PHF14: variants seen among roughly 807,000 people sequenced by gnomAD.
PHF14 encodes the protein PHD finger protein 14.
A neutral mutation model predicts 117.9 loss-of-function variants in PHF14; 55 were observed. The observed-to-expected ratio is 0.47, with a 90% CI of 0.38 to 0.58. The LOEUF (loss-of-function observed/expected upper bound fraction) is 0.58. PHF14 is among the 20% of genes least tolerant of loss of function. The pLI, the probability that PHF14 is intolerant of heterozygous loss-of-function variation, is 0.00. For missense variants in PHF14, 978 were observed against 1,122.2 expected (o/e 0.87, Z 1.84); for synonymous variants, 409 against 368.6 (o/e 1.11, Z -1.26).
intron 17 of PHF14, among the ~76,000 whole-genome samples, chr7:11,159,154 T>C (rs1181961175): frequency 1.3e-5 from 2 of 152,108 alleles, no homozygotes; most frequent in African/African-American, 4.8e-5. Context: ...TAATATTATT[T>C]TCCTTAAGAA....
At chr7:11,006,572 C>T (rs1451473928) in intron 4 of PHF14, 2 of 597,858 alleles carry the variant, frequency 3.3e-6, no homozygotes, top group Non-Finnish European at 6.4e-6. Context: ...CTTTAACTTC[C>T]TCAGTGAACA....
At chr7:11,153,133 A>G (rs1366146557) in intron 17 of PHF14, among the ~76,000 whole-genome samples, 2 of 152,206 alleles carry the variant, frequency 1.3e-5, no homozygotes, top group Non-Finnish European at 2.9e-5. Context: ...AAGAATAGGT[A>G]TACAATTATA....
At chr7:11,096,973 CTTTTTTTTTTTT>C (rs899756252) in intron 16 of PHF14, among the ~76,000 whole-genome samples, 1 of 108,590 alleles carries the variant, frequency 9.2e-6, no homozygotes, top group Non-Finnish European at 1.8e-5. Flanking sequence ...TAGACTAGAA[CTTTTTTTTTTTT>C]TTTTTTTTTT....
At chr7:10,990,923 A>T in intron 4 of PHF14, 76 bp downstream of exon 4, 1 of 981,132 alleles carries the variant, frequency 1.0e-6, no homozygotes, top group African/African-American at 1.7e-5. Flanking sequence ...AGGTGGTTCT[A>T]CAATATTTCA....
At chr7:11,132,816 A>T (rs569659355) in intron 17 of PHF14, among the ~76,000 whole-genome samples, 95 of 151,968 alleles carry the variant, frequency 6.3e-4, no homozygotes, top group Non-Finnish European at 9.7e-4. Context: ...ATGAGATGGT[A>T]TCTCATAGTG....
chr7:11,040,524 A>T (rs1235493032), intron 11 of PHF14, 148 bp from the exon 12 acceptor site: 6 of 404,974 alleles, frequency 1.5e-5, no homozygotes, highest in Non-Finnish European at 2.7e-5. Flanking sequence ...AGCTCATTTT[A>T]ATCCTTTTTG....
intron 7 of PHF14, among the ~76,000 whole-genome samples, chr7:11,031,775 A>T (rs1283673884): frequency 1.3e-5 from 2 of 152,196 alleles, no homozygotes; most frequent in South Asian, 4.2e-4. Context: ...ATAAATAAGT[A>T]AAAAAATACC....
chr7:11,152,732 G>A (rs1443397257), intron 17 of PHF14, among the ~76,000 whole-genome samples: 1 of 152,172 alleles, frequency 6.6e-6, no homozygotes, highest in Non-Finnish European at 1.5e-5. Flanking sequence ...CCAAGTGGAT[G>A]TTCATTTTAT....
chr7:11,013,876 A>T lies in PHF14; in HGVS notation c.1175A>T (p.Asp392Val). 2 of 1,604,726 alleles carry T rather than the reference A, an allele frequency of 1.2e-6. No homozygotes were observed. Reference sequence around the variant, plus strand: ...AGCTGTGAACTGTGTCCTAATCAGGATGGAATTTTCAAGGAGACAGATGCT... The same window carrying T: ...AGCTGTGAACTGTGTCCTAATCAGGTTGGAATTTTCAAGGAGACAGATGCT... ...SPSCELCPNQ[D>V]GIFKETDAGR... The change falls in exon 5 of 18, where the codon GAT becomes GTT. Residue 392 changes from aspartate (D) to valine (V), a missense_variant. Coordinates refer to ENST00000634607, the MANE Select transcript of PHF14 (RefSeq NM_001007157.2).
At chr7:11,088,067 A>G (rs1447876909) in intron 16 of PHF14, among the ~76,000 whole-genome samples, 5 of 151,880 alleles carry the variant, frequency 3.3e-5, no homozygotes, top group Non-Finnish European at 7.4e-5. Context: ...TCCGTGGGGC[A>G]TTGATTCCAG....
chr7:10,976,474 C>T (rs563075332), intron 2 of PHF14, among the ~76,000 whole-genome samples: 123 of 152,004 alleles, frequency 8.1e-4, no homozygotes, highest in Non-Finnish European at 1.5e-3. Context: ...GTGGAAGTTA[C>T]GAATTCTTTG....
At chr7:10,999,107 TCAAA>T (rs1208992716) in intron 4 of PHF14, among the ~76,000 whole-genome samples, 3 of 152,168 alleles carry the variant, frequency 2.0e-5, no homozygotes, top group Non-Finnish European at 4.4e-5. Context: ...ACTCCTGGGC[TCAAA>T]CAATCTTCTT....
chr7:11,142,342 A>G lies in PHF14; in HGVS notation c.2773-27074A>G, dbSNP rs575215484. Among the ~76,000 whole-genome samples, 72 of 152,146 alleles carry G rather than the reference A, an allele frequency of 4.7e-4. 1 individual carries two copies. The South Asian group carries it at 8.5e-3, about 18-fold the overall frequency. ...GCAATTATTCACTGCGCCATAATGG[A>G]TCATTTTTATCTGCATCATGTGCCT... On this transcript the variant is annotated intron_variant, in intron 17 of 17. Transcript: ENST00000634607.
chr7:10,974,763 C>A (rs150617896), intron 1 of PHF14, 72 bp from the exon 2 acceptor site: 2 of 789,068 alleles, frequency 2.5e-6, no homozygotes, highest in South Asian at 1.7e-5. Flanking sequence ...TCTTTATGTT[C>A]TCTTAGCACC....
At chr7:11,058,390 C>G (rs1323212137) in intron 14 of PHF14, among the ~76,000 whole-genome samples, 1 of 151,852 alleles carries the variant, frequency 6.6e-6, no homozygotes, top group Non-Finnish European at 1.5e-5. Context: ...GCTGCCACTT[C>G]ATTAAAACTA....
chr7:10,993,699 A>C (rs1441341447), intron 4 of PHF14, among the ~76,000 whole-genome samples: 3 of 152,146 alleles, frequency 2.0e-5, no homozygotes, highest in Non-Finnish European at 2.9e-5. Context: ...GAGTTGCAGA[A>C]GTTTGTATTT....
intron 3 of PHF14, among the ~76,000 whole-genome samples, chr7:10,988,534 G>T (rs373425466): frequency 5.3e-4 from 63 of 118,104 alleles, no homozygotes; most frequent in Middle Eastern, 5.4e-3. Flanking sequence ...TTTCTAGTCT[G>T]TTTTTTTTTT....
chr7:11,128,239 A>T (rs907776504), intron 17 of PHF14, among the ~76,000 whole-genome samples: 2 of 152,062 alleles, frequency 1.3e-5, no homozygotes, highest in Non-Finnish European at 2.9e-5. Context: ...AGTTATTTCA[A>T]ATCTTTGACA....
intron 16 of PHF14, chr7:11,062,673 A>G (rs1271732366): frequency 2.0e-6 from 2 of 983,546 alleles, no homozygotes; most frequent in East Asian, 1.1e-4. Context: ...TTAATCAGAC[A>G]TAATGCTAAT....
Sources: allele counts gnomAD v4.1 joint callset (sites outside exome capture counted in the v4.1 genomes callset), GRCh38; gene constraint gnomAD v4.1.1; transcripts MANE v1.5; gene names NCBI Gene and HGNC (gene_info 2026-07-23, HGNC 2026-07-21).